Variants in SGCZ observed in about 807,000 individuals in gnomAD.
The protein encoded by SGCZ is zeta-sarcoglycan.
In SGCZ, 40 loss-of-function variants were observed where a neutral mutation model predicts 41.3. The observed-to-expected ratio is 0.97, with a 90% CI of 0.75 to 1.26. The LOEUF (loss-of-function observed/expected upper bound fraction) is 1.26, where lower values mean the gene tolerates loss of function less well. Among genes scored for constraint, SGCZ ranks in the 50% most tolerant of loss-of-function variants. The pLI, the probability that SGCZ is intolerant of heterozygous loss-of-function variation, is 0.00. For missense variants in SGCZ, 552 were observed against 369.8 expected (o/e 1.49, Z -4.04); for synonymous variants, 206 against 137.5 (o/e 1.50, Z -3.49).
chr8:14,332,753 A>T (rs960810888), intron 2 of SGCZ: 3 of 151,588 alleles, frequency 2.0e-5, no homozygotes, highest in Non-Finnish European at 2.9e-5. Context: ...AAATCATAAC[A>T]TTTAATTATA....
At chr8:15,207,969 C>A (rs566111597) in intron 1 of SGCZ, among the ~76,000 whole-genome samples, 2 of 152,084 alleles carry the variant, frequency 1.3e-5, no homozygotes, top group African/African-American at 4.8e-5. Flanking sequence ...CTGTCATTTC[C>A]TTTGTTTGCT....
At chr8:15,011,272 C>A (rs564018967) in intron 1 of SGCZ, among the ~76,000 whole-genome samples, 19 of 152,046 alleles carry the variant, frequency 1.2e-4, no homozygotes, top group African/African-American at 3.1e-4. Context: ...ACAGAATGTT[C>A]CAGGAGGTAT....
At chr8:15,069,375 T>C (rs1330438333) in intron 1 of SGCZ, among the ~76,000 whole-genome samples, 1 of 152,160 alleles carries the variant, frequency 6.6e-6, no homozygotes, top group Non-Finnish European at 1.5e-5. Context: ...AAGTCTAGAA[T>C]TGCTTATTAT....
intron 1 of SGCZ, among the ~76,000 whole-genome samples, chr8:14,801,896 C>T (rs1178335134): frequency 1.3e-5 from 2 of 152,270 alleles, no homozygotes; most frequent in East Asian, 3.9e-4. Flanking sequence ...TAATGAGAAA[C>T]TGACAAACTG....
At position 14,339,798 on chromosome 8, in the gene SGCZ, A is replaced by C. The variant is rs908701210; in HGVS notation, c.235-15594T>G. 7.2e-5 allele frequency among the ~76,000 whole-genome samples: 11 copies of C among 152,200 alleles called. No individual in the cohort carries two copies. In the South Asian group the frequency reaches 8.3e-4, roughly 11 times the overall value. On this transcript the variant is annotated intron_variant, in intron 2 of 7. Coordinates refer to ENST00000382080, the MANE Select transcript of SGCZ (RefSeq NM_139167.4). ...AAGAAAGTGAGAACTAAAATAATAT[A>C]TGTAAATTTAAAATATGTGCATAAA...
intron 1 of SGCZ, among the ~76,000 whole-genome samples, chr8:15,068,489 A>G (rs1185506662): frequency 1.3e-5 from 2 of 152,228 alleles, no homozygotes; most frequent in African/African-American, 4.8e-5. Context: ...AACCTGTGAT[A>G]TAATCCTCTT....
At chr8:14,435,405 G>C (rs1442567299) in intron 2 of SGCZ, among the ~76,000 whole-genome samples, 1 of 152,108 alleles carries the variant, frequency 6.6e-6, no homozygotes, top group South Asian at 2.1e-4. Flanking sequence ...TGAAGCAATA[G>C]TCACATAGCA....
At chr8:15,128,934 C>G (rs1807801933) in intron 1 of SGCZ, among the ~76,000 whole-genome samples, 1 of 152,146 alleles carries the variant, frequency 6.6e-6, no homozygotes, top group Admixed American at 6.5e-5. Context: ...CCATTCCTCA[C>G]CCACCTCCCC....
intron 5 of SGCZ, among the ~76,000 whole-genome samples, chr8:14,160,041 A>C (rs1054577164): frequency 6.6e-6 from 1 of 152,192 alleles, no homozygotes; most frequent in African/African-American, 2.4e-5. Flanking sequence ...AACAAACGCT[A>C]GGGCACTGGG....
chr8:14,645,580 A>G (rs1158817756), intron 1 of SGCZ, among the ~76,000 whole-genome samples: 1 of 149,920 alleles, frequency 6.7e-6, no homozygotes, highest in Non-Finnish European at 1.5e-5. Flanking sequence ...AATTCCTGGT[A>G]TCCTCGAAGC....
intron 1 of SGCZ, among the ~76,000 whole-genome samples, chr8:14,766,857 C>G (rs1245868783): frequency 2.6e-5 from 4 of 151,336 alleles, no homozygotes; most frequent in African/African-American, 9.7e-5. Flanking sequence ...GGATTACAGG[C>G]ATGAGCCACT....
chr8:15,140,907 T>G (rs1010516954), intron 1 of SGCZ, among the ~76,000 whole-genome samples: 3 of 152,212 alleles, frequency 2.0e-5, no homozygotes, highest in African/African-American at 7.2e-5. Context: ...TGACAAGTTG[T>G]GTATACTTGC....
intron 2 of SGCZ, among the ~76,000 whole-genome samples, chr8:14,434,797 C>T (rs945893642): frequency 1.4e-4 from 22 of 151,958 alleles, no homozygotes; most frequent in African/African-American, 1.9e-4. Context: ...GGCACGGTAA[C>T]GCATGCCTGC....
intron 1 of SGCZ, among the ~76,000 whole-genome samples, chr8:15,188,991 A>C (rs1221923523): frequency 2.2e-5 from 3 of 139,282 alleles, no homozygotes; most frequent in Admixed American, 1.6e-4. Context: ...ATTAAATATC[A>C]AAAAAAATAG....
chr8:14,814,585 T>C (rs1004934117), intron 1 of SGCZ, among the ~76,000 whole-genome samples: 2 of 152,176 alleles, frequency 1.3e-5, no homozygotes, highest in Non-Finnish European at 2.9e-5. Context: ...ATCTATCTTG[T>C]TATTTGGCCC....
chr8:14,125,579 T>C (rs191490695), intron 5 of SGCZ, among the ~76,000 whole-genome samples: 4 of 151,964 alleles, frequency 2.6e-5, no homozygotes, highest in Non-Finnish European at 5.9e-5. Flanking sequence ...GATTTAATGC[T>C]ATTTCCATCA....
intron 2 of SGCZ, among the ~76,000 whole-genome samples, chr8:14,490,656 T>C (rs566778574): frequency 6.6e-6 from 1 of 152,306 alleles, no homozygotes; most frequent in East Asian, 1.9e-4. Flanking sequence ...GAGTGTCCAT[T>C]ACAAGTCAAA....
intron 3 of SGCZ, among the ~76,000 whole-genome samples, chr8:14,259,857 G>C (rs1388494193): frequency 6.6e-6 from 1 of 151,806 alleles, no homozygotes; most frequent in Non-Finnish European, 1.5e-5. Flanking sequence ...GAAAGGCATT[G>C]GTAGCTTGAT....
chr8:14,896,437 T>TTTATTTATTTATTTA (rs1805201384), intron 1 of SGCZ, among the ~76,000 whole-genome samples: 1 of 151,306 alleles, frequency 6.6e-6, no homozygotes, highest in Non-Finnish European at 1.5e-5. Context: ...GATGGAAGAC[T>TTTATTTATTTATTTA]TTTATTTATT....
Sources: allele counts gnomAD v4.1 joint callset (sites outside exome capture counted in the v4.1 genomes callset), GRCh38; gene constraint gnomAD v4.1.1; transcripts MANE v1.5; gene names NCBI Gene and HGNC (gene_info 2026-07-23, HGNC 2026-07-21).